Variants in SMYD3 observed in about 807,000 individuals in gnomAD.
SMYD3 encodes the protein histone-lysine N-methyltransferase SMYD3.
In SMYD3, 36 loss-of-function variants were observed where a neutral mutation model predicts 57.7. The observed-to-expected ratio is 0.62, with a 90% confidence interval of 0.48 to 0.82. The LOEUF (loss-of-function observed/expected upper bound fraction) is 0.82, where lower values mean the gene tolerates loss of function less well. Ranked by LOEUF, SMYD3 falls within the 40% of genes least tolerant of loss-of-function variation. The pLI, the probability that SMYD3 is intolerant of heterozygous loss-of-function variation, is 0.00. For missense variants in SMYD3, 515 were observed against 538.8 expected (o/e 0.96, Z 0.44); for synonymous variants, 211 against 195.0 (o/e 1.08, Z -0.68).
chr1:246,169,381 CAAAAAAAAAAAAA>C (rs55719556), intron 5 of SMYD3, among the ~76,000 whole-genome samples: 5 of 61,888 alleles, frequency 8.1e-5, no homozygotes, highest in Admixed American at 2.5e-4. Flanking sequence ...GACTTTCTTT[CAAAAAAAAAAAAA>C]AAAAAAAAAA....
chr1:246,201,698 C>T (rs2062925250), intron 5 of SMYD3, among the ~76,000 whole-genome samples: 1 of 152,196 alleles, frequency 6.6e-6, no homozygotes, highest in African/African-American at 2.4e-5. Context: ...CAATCACCTA[C>T]AGGTCCACTG....
intron 10 of SMYD3, among the ~76,000 whole-genome samples, chr1:245,811,445 T>C (rs751106194): frequency 6.6e-6 from 1 of 152,222 alleles, no homozygotes; most frequent in Non-Finnish European, 1.5e-5. Flanking sequence ...CCAGACAGAT[T>C]TGAAATGTTG....
chr1:246,441,408 A>G (rs1460842687), intron 1 of SMYD3, among the ~76,000 whole-genome samples: 1 of 152,174 alleles, frequency 6.6e-6, no homozygotes, highest in Non-Finnish European at 1.5e-5. Flanking sequence ...AAGTACCACC[A>G]TTCACTATAT....
chr1:245,838,831 G>A (rs908742834), intron 10 of SMYD3, among the ~76,000 whole-genome samples: 1 of 152,220 alleles, frequency 6.6e-6, no homozygotes, highest in East Asian at 1.9e-4. Flanking sequence ...TGTATGCTAT[G>A]TGAGGTGCAG....
In SMYD3 at chr1:246,469,461, A is replaced by G. The variant is rs568986126; in HGVS notation, c.164+37593T>C. Among the ~76,000 whole-genome samples, 22 of 152,324 alleles carry G rather than the reference A, an allele frequency of 1.4e-4. No individual in the cohort carries two copies. The South Asian group carries it at 4.6e-3, about 32-fold the overall frequency. On this transcript the variant is annotated intron_variant, in intron 1 of 11. Transcript: ENST00000490107. Reference sequence around the variant, plus strand: ...TTTTGTTGGACTGGAACATTTTGTCATTCCAGAGAGTAAGAAAGTGTTCCT... The same window carrying G: ...TTTTGTTGGACTGGAACATTTTGTCGTTCCAGAGAGTAAGAAAGTGTTCCT...
In SMYD3 at chr1:246,101,064, GTTTTTTGTTTTTTTT is replaced by G. The variant is rs1422753163; in HGVS notation, c.532-171142_532-171128del. 3.0e-3 allele frequency among the ~76,000 whole-genome samples: 235 copies of G among 78,596 alleles called. 1 individual carries two copies. The highest frequency in any genetic ancestry group is 9.4e-3 in the Middle Eastern group (1 of 106). The allele number at this position is 78,596 out of a possible 152,430, so 51.6% of individuals were successfully genotyped here. Reference sequence around the variant, plus strand: ...TCACTAGTAATATGTATTTTTAGGGGTTTTTTGTTTTTTTTTTTTTTTTTTTTTTTTTTTTTACAG... The same window carrying G: ...TCACTAGTAATATGTATTTTTAGGGGTTTTTTTTTTTTTTTTTTTTTACAG... On this transcript the variant is annotated intron_variant, in intron 5 of 11. Transcript: ENST00000490107.
At chr1:246,151,894 A>G (rs1368628684) in intron 5 of SMYD3, among the ~76,000 whole-genome samples, 2 of 152,224 alleles carry the variant, frequency 1.3e-5, no homozygotes, top group South Asian at 2.1e-4. Context: ...GAAGAAGCAA[A>G]TGCTTACAGA....
chr1:245,965,119 A>C (rs535089114), intron 5 of SMYD3, among the ~76,000 whole-genome samples: 22 of 152,334 alleles, frequency 1.4e-4, no homozygotes, highest in Admixed American at 3.9e-4. Flanking sequence ...GAGGTAAAAG[A>C]AAAACTTTTG....
chr1:245,925,259 T>G (rs547530993), intron 7 of SMYD3, among the ~76,000 whole-genome samples: 4 of 152,358 alleles, frequency 2.6e-5, no homozygotes, highest in Admixed American at 1.3e-4. Flanking sequence ...AGGTACTATT[T>G]TGCTACCTGC....
chr1:246,214,167 G>A (rs1470705615), intron 5 of SMYD3, among the ~76,000 whole-genome samples: 1 of 152,146 alleles, frequency 6.6e-6, no homozygotes, highest in Non-Finnish European at 1.5e-5. Context: ...GGCAAGTTGT[G>A]GATGATAAGG....
chr1:246,273,888 C>T (rs1041295665), intron 5 of SMYD3, among the ~76,000 whole-genome samples: 1 of 152,026 alleles, frequency 6.6e-6, no homozygotes. Flanking sequence ...CTAATCTCTC[C>T]TATTGCTTTC....
At chr1:246,460,645 AAGCTGTGCCT>A (rs1314842319) in intron 1 of SMYD3, among the ~76,000 whole-genome samples, 1 of 152,206 alleles carries the variant, frequency 6.6e-6, no homozygotes, top group Non-Finnish European at 1.5e-5. Context: ...AGTCAGTCAA[AAGCTGTGCCT>A]TAGAAAATCC....
intron 10 of SMYD3, among the ~76,000 whole-genome samples, chr1:245,819,151 T>A (rs1262018447): frequency 7.1e-6 from 1 of 141,266 alleles, no homozygotes; most frequent in Non-Finnish European, 1.5e-5. Flanking sequence ...GAAGTAAAGC[T>A]CTCCTCAGCA....
chr1:245,759,016 C>T (rs2045725092), intron 11 of SMYD3, among the ~76,000 whole-genome samples: 2 of 152,300 alleles, frequency 1.3e-5, no homozygotes, highest in South Asian at 2.1e-4. Context: ...GGCGGGAGTA[C>T]AAGTTCAGGT....
chr1:245,816,921 C>T lies in SMYD3; in HGVS notation c.1076+41575G>A, dbSNP rs561491716. On this transcript the variant is annotated intron_variant, in intron 10 of 11. Coordinates refer to ENST00000490107, the MANE Select transcript of SMYD3 (RefSeq NM_001167740.2). ...TACCCGACGGAGTCTCGCTGATTGC[C>T]AGCACAGCAGTCTGAGATCAAACTG... Among the ~76,000 whole-genome samples the T allele has an allele frequency of 5.0e-4, 76 of 151,874 alleles. 1 individual carries two copies. Among genetic ancestry groups the T allele is most frequent in the Middle Eastern group, 6.9e-3 (2 of 290 alleles).
intron 5 of SMYD3, among the ~76,000 whole-genome samples, chr1:246,061,892 A>G (rs1177345831): frequency 6.6e-6 from 1 of 152,230 alleles, no homozygotes; most frequent in African/African-American, 2.4e-5. Flanking sequence ...GGTGCTTCTC[A>G]GAGTTTCTAA....
chr1:246,377,799 G>C (rs2066304638), intron 1 of SMYD3, among the ~76,000 whole-genome samples: 2 of 152,196 alleles, frequency 1.3e-5, no homozygotes, highest in African/African-American at 4.8e-5. Context: ...AAGTAAAACT[G>C]CTGAGTTGCA....
intron 5 of SMYD3, among the ~76,000 whole-genome samples, chr1:246,264,422 G>T (rs149654903): frequency 3.9e-5 from 6 of 152,206 alleles, no homozygotes; most frequent in Non-Finnish European, 8.8e-5. Flanking sequence ...AGCCAAGGTA[G>T]GAGGATGGCT....
At chr1:246,387,172 C>T (rs1460750085) in intron 1 of SMYD3, among the ~76,000 whole-genome samples, 1 of 152,104 alleles carries the variant, frequency 6.6e-6, no homozygotes, top group Non-Finnish European at 1.5e-5. Context: ...CCCTTCTAAC[C>T]ACCGCATGAG....
Sources: gnomAD v4.1 joint callset for allele counts (sites outside exome capture counted in the v4.1 genomes callset) on GRCh38, gnomAD v4.1.1 for gene constraint, MANE v1.5 for transcripts, NCBI Gene and HGNC (gene_info 2026-07-23, HGNC 2026-07-21) for gene names.